The following TTC34 variants were observed in gnomAD, a reference collection of about 807,000 sequenced individuals.
TTC34 encodes the protein tetratricopeptide repeat protein 34.
In TTC34, 44 loss-of-function variants were observed where a neutral mutation model predicts 40.7. The observed-to-expected ratio is 1.08, with a 90% CI of 0.85 to 1.39. TTC34 has a LOEUF of 1.39. TTC34 is among the 40% of genes most tolerant of loss of function. The probability of loss-of-function intolerance (pLI) is 0.00; values close to 1 mark genes in which losing one functional copy is unlikely to be tolerated. For synonymous variants in TTC34, 422 were observed against 398.6 expected (o/e 1.06, Z -0.70); for missense variants, 884 against 838.0 (o/e 1.05, Z -0.68).
chr1:2,759,442 A>T (rs1641618055), intron 6 of TTC34, among the ~76,000 whole-genome samples: 1 of 120,928 alleles, frequency 8.3e-6, no homozygotes, highest in Non-Finnish European at 1.7e-5. Context: ...CCACACTCCC[A>T]GGCGAGCATC....
intron 8 of TTC34, among the ~76,000 whole-genome samples, chr1:2,643,883 C>A (rs974454110): frequency 1.3e-5 from 2 of 152,230 alleles, no homozygotes; most frequent in Non-Finnish European, 2.9e-5. Context: ...GTGCTCTTGG[C>A]CTCCCAGCCT....
chr1:2,645,478 TGGGCTTCCGG>T lies in TTC34; in HGVS notation c.2302_2311del (p.Pro768ArgfsTer16). 6.7e-7 allele frequency: 1 copy of T among 1,491,288 alleles called. No homozygotes were observed. The allele number at this position is 1,491,288 out of a possible 1,614,324, so 92.4% of individuals were successfully genotyped here. On this transcript the variant is annotated frameshift_variant, in exon 7 of 9. Transcript: ENST00000401095. LOFTEE classifies it high-confidence loss of function. This position sits in a 1 kb window ranked among gnomAD's most constrained non-coding sequence, Gnocchi z 4.7. ...GTAGAGGCCCTGTGTGATGAGGGCC[TGGGCTTCCGG>T]CTTCAGAGAGCGGAGCTCAGGGACC...
intron 3 of TTC34, 102 bp from the exon 4 acceptor site, chr1:2,787,808 T>C: frequency 9.8e-7 from 1 of 1,018,948 alleles, no homozygotes; most frequent in African/African-American, 1.6e-5. Context: ...GTACCTGGCC[T>C]GGGCAGCTCC....
intron 6 of TTC34, among the ~76,000 whole-genome samples, chr1:2,757,609 C>T (rs1641549316): frequency 7.0e-6 from 1 of 143,218 alleles, no homozygotes; most frequent in South Asian, 2.2e-4. Flanking sequence ...GAGCATCCGC[C>T]AGCCTGGAAC....
chr1:2,789,922 A>C (rs1325670937), exon 3 of TTC34: 1 of 394,934 alleles, frequency 2.5e-6, no homozygotes, highest in Non-Finnish European at 4.5e-6. Context: ...CAGGGTCCTC[A>C]GGGCGTGCGG....
chr1:2,681,129 G>A (rs1278691063), intron 6 of TTC34, among the ~76,000 whole-genome samples: 2 of 109,548 alleles, frequency 1.8e-5, no homozygotes, highest in African/African-American at 7.3e-5. Flanking sequence ...TGACAGCGTG[G>A]AGCAGCACCC....
At chr1:2,683,189 G>T (rs1478844058) in intron 6 of TTC34, among the ~76,000 whole-genome samples, 1 of 48,768 alleles carries the variant, frequency 2.1e-5, no homozygotes, top group Non-Finnish European at 4.4e-5. Context: ...CGGAACCCAC[G>T]GCCACAGGCG....
intron 6 of TTC34, among the ~76,000 whole-genome samples, chr1:2,652,783 G>C (rs547601636): frequency 2.0e-5 from 3 of 148,746 alleles, no homozygotes; most frequent in African/African-American, 5.0e-5. Flanking sequence ...GTGAGCATCC[G>C]ACAGCCTGGA....
intron 6 of TTC34, among the ~76,000 whole-genome samples, chr1:2,751,120 C>G (rs1179470448): frequency 1.1e-5 from 1 of 92,924 alleles, no homozygotes; most frequent in African/African-American, 5.0e-5. Flanking sequence ...TGGAACAGCA[C>G]CCTGTACCCC....
chr1:2,694,644 T>C lies in TTC34; in HGVS notation c.2227-49081A>G, dbSNP rs1487659413. ...CAGCACCCACACCTCCCGGCGAGCATCTGACGGCCTGGAACAGCACACACA... is the reference window on the plus strand; with the variant it reads ...CAGCACCCACACCTCCCGGCGAGCACCTGACGGCCTGGAACAGCACACACA... On this transcript the variant is annotated intron_variant, in intron 6 of 8. Transcript: ENST00000401095. Among the ~76,000 whole-genome samples, 2 of 81,502 alleles carry C rather than the reference T, an allele frequency of 2.5e-5. 1 individual carries two copies. The highest frequency in any genetic ancestry group is 8.0e-5 in the African/African-American group (2 of 25,000). The allele number at this position is 81,502 out of a possible 152,430, so 53.5% of individuals were successfully genotyped here.
chr1:2,693,183 C>T (rs530565170), intron 6 of TTC34, among the ~76,000 whole-genome samples: 2 of 107,364 alleles, frequency 1.9e-5, no homozygotes, highest in African/African-American at 7.8e-5. Context: ...TCCGCACCCA[C>T]ACCCCCAGGT....
At chr1:2,653,409 C>A (rs796470586) in intron 6 of TTC34, among the ~76,000 whole-genome samples, 23 of 73,418 alleles carry the variant, frequency 3.1e-4, no homozygotes, top group East Asian at 1.4e-3. Context: ...CACCCACACC[C>A]CCAGGTGAGC....
chr1:2,767,457 C>G (rs1336432155), intron 6 of TTC34, among the ~76,000 whole-genome samples: 1 of 143,566 alleles, frequency 7.0e-6, no homozygotes, highest in Non-Finnish European at 1.5e-5. Flanking sequence ...GGTGAGCATC[C>G]GACAGCCTGG....
chr1:2,685,118 C>T (rs1386578450), intron 6 of TTC34, among the ~76,000 whole-genome samples: 9 of 121,630 alleles, frequency 7.4e-5, no homozygotes, highest in African/African-American at 2.3e-4. Context: ...AGCACCCACA[C>T]CCCCAGGCGA....
intron 2 of TTC34, among the ~76,000 whole-genome samples, chr1:2,798,539 T>G (rs1382799265): frequency 3.2e-5 from 1 of 31,156 alleles, no homozygotes; most frequent in Non-Finnish European, 6.0e-5. Flanking sequence ...CTCAGCCTCT[T>G]AGCCCCTCAG....
At chr1:2,683,951 C>G (rs1167532057) in intron 6 of TTC34, among the ~76,000 whole-genome samples, 1 of 145,274 alleles carries the variant, frequency 6.9e-6, no homozygotes, top group Non-Finnish European at 1.5e-5. Context: ...GCAGTACCCA[C>G]ACCCACAGTT....
At chr1:2,688,589 C>G (rs552963521) in intron 6 of TTC34, among the ~76,000 whole-genome samples, 2 of 141,980 alleles carry the variant, frequency 1.4e-5, no homozygotes, top group East Asian at 4.1e-4. Flanking sequence ...GCGCATCCGA[C>G]AGCCTGGAGC....
intron 6 of TTC34, among the ~76,000 whole-genome samples, chr1:2,771,555 C>T (rs1642148864): frequency 2.9e-5 from 2 of 69,418 alleles, no homozygotes; most frequent in Admixed American, 1.2e-4. Flanking sequence ...CCTGGAGCAG[C>T]ACACACAACC....
At chr1:2,779,052 G>C (rs1198004404) in intron 6 of TTC34, among the ~76,000 whole-genome samples, 1 of 152,154 alleles carries the variant, frequency 6.6e-6, no homozygotes, top group African/African-American at 2.4e-5. Flanking sequence ...ATTTTGCTGA[G>C]CACAATGTCC....
Sources: gnomAD v4.1 joint callset for allele counts (sites outside exome capture counted in the v4.1 genomes callset) on GRCh38, gnomAD v4.1.1 for gene constraint, Gnocchi (gnomAD v3.1) non-coding constraint, MANE v1.5 for transcripts, NCBI Gene and HGNC (gene_info 2026-07-23, HGNC 2026-07-21) for gene names.